The following CTNNA2 variants were observed in gnomAD, a reference collection of about 807,000 sequenced individuals.
The protein encoded by CTNNA2 is catenin alpha 2.
In CTNNA2, 42 loss-of-function variants were observed where a neutral mutation model predicts 101.0. The observed-to-expected ratio is 0.42, with a 90% CI of 0.32 to 0.54. The LOEUF (loss-of-function observed/expected upper bound fraction) is 0.54, where lower values mean the gene tolerates loss of function less well. CTNNA2 is among the 20% of genes least tolerant of loss of function. CTNNA2 has a pLI of 0.14. For synonymous variants in CTNNA2, 450 were observed against 456.4 expected (o/e 0.99, Z 0.18); for missense variants, 871 against 1,223.1 (o/e 0.71, Z 4.29).
At chr2:79,427,423 C>A (rs554361912) in intron 4 of CTNNA2, among the ~76,000 whole-genome samples, 2 of 152,014 alleles carry the variant, frequency 1.3e-5, no homozygotes, top group Admixed American at 6.6e-5. Flanking sequence ...TCATTAATTT[C>A]TTTCAATGCA....
intron 4 of CTNNA2, among the ~76,000 whole-genome samples, chr2:79,858,896 G>A (rs1681361021): frequency 6.6e-6 from 1 of 151,648 alleles, no homozygotes; most frequent in Non-Finnish European, 1.5e-5. Flanking sequence ...TAATGGAATA[G>A]TGATTAAGGC....
chr2:79,311,593 T>C (rs1676375905), intron 2 of CTNNA2, among the ~76,000 whole-genome samples: 1 of 152,044 alleles, frequency 6.6e-6, no homozygotes, highest in Admixed American at 6.5e-5. Flanking sequence ...AGTCAGCAAC[T>C]TCCCACATCC....
chr2:79,270,914 C>T (rs1416684770), intron 2 of CTNNA2, among the ~76,000 whole-genome samples: 2 of 151,812 alleles, frequency 1.3e-5, no homozygotes, highest in Non-Finnish European at 2.9e-5. Flanking sequence ...TCTTTCTCTG[C>T]AGGAGTAAAC....
chr2:80,388,159 A>T (rs1264728606), intron 7 of CTNNA2, among the ~76,000 whole-genome samples: 2 of 152,164 alleles, frequency 1.3e-5, no homozygotes, highest in African/African-American at 4.8e-5. Context: ...GAGAAGGGAG[A>T]TCGTTTAGAT....
chr2:80,247,069 G>A (rs760405205), intron 7 of CTNNA2, among the ~76,000 whole-genome samples: 20 of 152,154 alleles, frequency 1.3e-4, no homozygotes, highest in Non-Finnish European at 1.3e-4. Context: ...GCACCATAAG[G>A]CAATGAAGAA....
At chr2:80,281,738 A>G (rs1674399327) in intron 7 of CTNNA2, among the ~76,000 whole-genome samples, 1 of 152,058 alleles carries the variant, frequency 6.6e-6, no homozygotes, top group Non-Finnish European at 1.5e-5. Context: ...TTATAGTTTA[A>G]AAATTACTAT....
intron 4 of CTNNA2, among the ~76,000 whole-genome samples, chr2:79,866,200 A>C (rs1682084544): frequency 6.6e-6 from 1 of 152,238 alleles, no homozygotes; most frequent in African/African-American, 2.4e-5. Flanking sequence ...AGATTTTAAG[A>C]GTTGTAAGTG....
At chr2:79,814,638 C>CACACACACACATATAT (rs145584853) in intron 3 of CTNNA2, among the ~76,000 whole-genome samples, 33 of 146,960 alleles carry the variant, frequency 2.2e-4, no homozygotes, top group African/African-American at 8.2e-4. Flanking sequence ...CACACACACA[C>CACACACACACATATAT]ATATATATAT....
intron 2 of CTNNA2, among the ~76,000 whole-genome samples, chr2:79,737,385 C>T (rs1167779582): frequency 6.7e-6 from 1 of 148,596 alleles, no homozygotes; most frequent in East Asian, 2.5e-4. Context: ...TTGTCTTTCA[C>T]TTTTTTTCGC....
intron 6 of CTNNA2, among the ~76,000 whole-genome samples, chr2:79,908,614 A>G (rs748950322): frequency 6.6e-6 from 1 of 151,898 alleles, no homozygotes; most frequent in Non-Finnish European, 1.5e-5. Context: ...ATCACGCTCT[A>G]CCCTCCTCAT....
intron 1 of CTNNA2, among the ~76,000 whole-genome samples, chr2:79,534,280 T>C (rs1478559313): frequency 6.6e-6 from 1 of 152,162 alleles, no homozygotes; most frequent in Non-Finnish European, 1.5e-5. Context: ...TTTTGGCTTT[T>C]ATTTGTAAAC....
chr2:80,043,857 T>TA (rs1696344877), intron 7 of CTNNA2, among the ~76,000 whole-genome samples: 1 of 152,184 alleles, frequency 6.6e-6, no homozygotes. Flanking sequence ...TCAAAGCACT[T>TA]TTATTAAGTG....
intron 7 of CTNNA2, among the ~76,000 whole-genome samples, chr2:80,224,443 T>G (rs1708754836): frequency 6.6e-6 from 1 of 152,052 alleles, no homozygotes; most frequent in African/African-American, 2.4e-5. Flanking sequence ...TTATTTTTAT[T>G]TTTATTTTTA....
At chr2:80,462,914 A>G (rs1559130645) in intron 9 of CTNNA2, among the ~76,000 whole-genome samples, 1 of 151,716 alleles carries the variant, frequency 6.6e-6, no homozygotes, top group Non-Finnish European at 1.5e-5. Flanking sequence ...TTTATAGCTT[A>G]TTTTCTAGTG....
chr2:80,324,597 T>A (rs1158935382), intron 7 of CTNNA2, among the ~76,000 whole-genome samples: 1 of 152,200 alleles, frequency 6.6e-6, no homozygotes, highest in East Asian at 1.9e-4. Context: ...TTCTTGGATG[T>A]GGGGGAGACT....
intron 1 of CTNNA2, among the ~76,000 whole-genome samples, chr2:79,526,313 C>G (rs1481756555): frequency 1.3e-5 from 2 of 151,822 alleles, no homozygotes; most frequent in Non-Finnish European, 2.9e-5. Flanking sequence ...ATACTAGAGG[C>G]TACAAAATAT....
upstream of CTNNA2, among the ~76,000 whole-genome samples, chr2:79,510,361 T>TA (rs1406123210): frequency 6.6e-6 from 1 of 152,166 alleles, no homozygotes; most frequent in Non-Finnish European, 1.5e-5. Context: ...ATAAGGGTTT[T>TA]AAAAAATCCC....
rs796935624 is a variant in CTNNA2 at position 79,242,999 on chromosome 2, C to T, written c.-406+44923C>T. 1.3e-4 allele frequency among the ~76,000 whole-genome samples: 14 copies of T among 109,944 alleles called. No homozygotes were observed. In the East Asian group the frequency reaches 2.0e-3, roughly 16 times the overall value. 72.1% of individuals were successfully genotyped at this position (109,944 alleles called of 152,430 possible). On this transcript the variant is annotated intron_variant, in intron 2 of 21. Coordinates refer to the CTNNA2 transcript ENST00000466387. Reference sequence around the variant, plus strand: ...ATATATATATATATATATATACACACACACACACACACACACACACACACA... The same window carrying T: ...ATATATATATATATATATATACACATACACACACACACACACACACACACA...
intron 7 of CTNNA2, among the ~76,000 whole-genome samples, chr2:80,113,290 C>A (rs1048549025): frequency 2.0e-5 from 3 of 152,078 alleles, no homozygotes; most frequent in Admixed American, 6.6e-5. Context: ...TGACAGATAA[C>A]CAGTGGCAAA....
Sources: allele counts gnomAD v4.1 joint callset (sites outside exome capture counted in the v4.1 genomes callset), GRCh38; gene constraint gnomAD v4.1.1; transcripts MANE v1.5; gene names NCBI Gene and HGNC (gene_info 2026-07-23, HGNC 2026-07-21).